The following RAB5IF variants were observed in gnomAD, a reference collection of about 807,000 sequenced individuals.
The protein encoded by RAB5IF is GEL complex subunit OPTI.
Under a neutral mutation model 20.3 loss-of-function variants are expected in RAB5IF, and 15 were observed. That is an observed-to-expected ratio of 0.74 (90% CI 0.50 to 1.14). The LOEUF (loss-of-function observed/expected upper bound fraction) is 1.14, where lower values mean the gene tolerates loss of function less well. RAB5IF is among the 50% of genes most tolerant of loss of function. RAB5IF has a pLI of 0.00. For missense variants in RAB5IF, 148 were observed against 159.5 expected (o/e 0.93, Z 0.39); for synonymous variants, 67 against 63.7 (o/e 1.05, Z -0.25).
At position 36,609,487 on chromosome 20, in the gene RAB5IF, ACCTCAG is replaced by A. The variant is rs2147964249; in HGVS notation, c.219-109_219-104del. The stretch of plus-strand genomic sequence containing the variant: ...ACTCCTGACCGCAAGTGATCCGCCC[ACCTCAG>A]CCTCCCAAAGTGCTGGGATTACAGG... On this transcript the variant is annotated intron_variant, in intron 2 of 3. Transcript: ENST00000344795. The A allele has an allele frequency of 1.1e-5, 16 of 1,428,656 alleles. No individual in the cohort carries two copies. In the South Asian group the frequency reaches 2.3e-4, roughly 21 times the overall value. The allele number at this position is 1,428,656 out of a possible 1,614,324, so 88.5% of individuals were successfully genotyped here. A position where few individuals can be genotyped will look rare whatever the true frequency, so the allele number is the denominator to read the frequency against.
rs2039029060 is a variant in RAB5IF, at chr20:36,609,201, A to ACACACACACACACACACACC, written c.219-399_219-398insACACACACACACACACACCC. ...CACACACACACACACACACGCACAC[A>ACACACACACACACACACACC]CGCACACACGCACACACGCACACAC... On this transcript the variant is annotated intron_variant, in intron 2 of 3. Transcript: ENST00000344795. 3.4e-5 allele frequency among the ~76,000 whole-genome samples: 2 copies of ACACACACACACACACACACC among 59,458 alleles called. 1 individual carries two copies. Among genetic ancestry groups the ACACACACACACACACACACC allele is most frequent in the Non-Finnish European group, 6.3e-5 (2 of 31,654 alleles). The allele number at this position is 59,458 out of a possible 152,430, so 39.0% of individuals were successfully genotyped here. A position where few individuals can be genotyped will look rare whatever the true frequency, so the allele number is the denominator to read the frequency against.
chr20:36,608,259 T>A (rs938475803), intron 2 of RAB5IF: 1 of 272,810 alleles, frequency 3.7e-6, no homozygotes, highest in South Asian at 3.6e-5. Flanking sequence ...CATTTTGTTT[T>A]TTTGAGATAG....
chr20:36,606,060 G>A lies in RAB5IF; in HGVS notation c.109G>A (p.Asp37Asn), dbSNP rs1187054939. The change falls in exon 1 of 4, where the codon GAT becomes AAT. Residue 37 changes from aspartate (D) to asparagine (N), a missense_variant. Coordinates refer to ENST00000344795, the MANE Select transcript of RAB5IF (RefSeq NM_018840.5). ...KVLRSDAAWE[D>N]KDEFLDVIYW... ...GCTGCGGAGCGACGCGGCCTGGGAG[G>A]ATAAGGTACGGTGGAGTCTGAACAG... 6.0e-6 allele frequency: 9 copies of A among 1,496,702 alleles called. No homozygotes were observed. The Admixed American group carries it at 1.9e-4, about 32-fold the overall frequency. The allele number at this position is 1,496,702 out of a possible 1,614,324, so 92.7% of individuals were successfully genotyped here.
At chr20:36,611,421 A>C (rs1389050171) in intron 3 of RAB5IF, among the ~76,000 whole-genome samples, 1 of 141,338 alleles carries the variant, frequency 7.1e-6, no homozygotes, top group African/African-American at 2.7e-5. Context: ...ATATGGTGAA[A>C]CCCATCTCTA....
intron 2 of RAB5IF, 198 bp downstream of exon 2, chr20:36,608,016 T>A: frequency 7.1e-7 from 1 of 1,415,470 alleles, no homozygotes; most frequent in Non-Finnish European, 9.4e-7. Context: ...GCAGGTTACC[T>A]TCCTGCCTTC....
chr20:36,606,367 GA>G (rs2038934600), intron 1 of RAB5IF, among the ~76,000 whole-genome samples: 1 of 152,244 alleles, frequency 6.6e-6, no homozygotes, highest in Admixed American at 6.5e-5. Flanking sequence ...AGCTGAATTC[GA>G]TTCGGCCTCC....
chr20:36,610,713 A>AT (rs1223071980), intron 3 of RAB5IF, among the ~76,000 whole-genome samples: 1 of 152,184 alleles, frequency 6.6e-6, no homozygotes, highest in East Asian at 1.9e-4. Flanking sequence ...AAAAAAAAAA[A>AT]AATGAAGTCC....
At chr20:36,607,640 G>T in intron 1 of RAB5IF, 75 bp from the exon 2 acceptor site, 1 of 1,572,838 alleles carries the variant, frequency 6.4e-7, no homozygotes, top group Non-Finnish European at 8.7e-7. Flanking sequence ...TAGCAGAAAG[G>T]TTTAATATTC....
intron 3 of RAB5IF, among the ~76,000 whole-genome samples, chr20:36,610,715 A>G (rs1279055087): frequency 1.3e-5 from 2 of 151,986 alleles, no homozygotes; most frequent in African/African-American, 4.8e-5. Context: ...AAAAAAAAAA[A>G]TGAAGTCCTG....
Position 36,605,854 on chromosome 20 carries a change from C to T in RAB5IF, c.-98C>T. The stretch of plus-strand genomic sequence containing the variant: ...GCGCCGCAGGACCGGGCCGCTGAGC[C>T]TGCAGCCGCCCCGCGCCGTGACCTG... On this transcript the variant is annotated 5_prime_UTR_variant, in exon 1 of 4. Transcript: ENST00000344795. The T allele has an allele frequency of 1.6e-6, 1 of 611,284 alleles. No individual in the cohort carries two copies. Among genetic ancestry groups the T allele is most frequent in the Non-Finnish European group, 2.5e-6 (1 of 397,242 alleles). 37.9% of individuals were successfully genotyped at this position (611,284 alleles called of 1,614,324 possible).
chr20:36,610,140 T>G (rs574967953), intron 3 of RAB5IF, among the ~76,000 whole-genome samples: 2 of 152,206 alleles, frequency 1.3e-5, no homozygotes, highest in East Asian at 3.9e-4. Flanking sequence ...AAAAATTAGT[T>G]GGGTGTAGTG....
chr20:36,609,251 A>ACACACC (rs2039043283), intron 2 of RAB5IF, among the ~76,000 whole-genome samples: 2 of 134,938 alleles, frequency 1.5e-5, no homozygotes, highest in Non-Finnish European at 3.1e-5. Context: ...ACACACACAC[A>ACACACC]CACACTATAT....
chr20:36,606,825 G>A (rs1281862073), intron 1 of RAB5IF, among the ~76,000 whole-genome samples: 1 of 152,200 alleles, frequency 6.6e-6, no homozygotes, highest in African/African-American at 2.4e-5. Flanking sequence ...ATTCCAGGTA[G>A]CTTGAAAAGC....
intron 3 of RAB5IF, among the ~76,000 whole-genome samples, chr20:36,611,493 C>T (rs1331463998): frequency 2.1e-5 from 1 of 46,522 alleles, no homozygotes; most frequent in Non-Finnish European, 4.8e-5. Flanking sequence ...CAGCAGGACT[C>T]AAAAAAAAAA....
chr20:36,607,967 GGGTCT>G (rs1443153112), intron 2 of RAB5IF, 149 bp downstream of exon 2: 1 of 1,502,668 alleles, frequency 6.7e-7, no homozygotes, highest in Non-Finnish European at 8.9e-7. Context: ...TGGCACTCCT[GGGTCT>G]GGTGCACCAC....
At chr20:36,609,514 A>C (rs1177841155) in intron 2 of RAB5IF, 87 bp from the exon 3 acceptor site, 2 of 1,494,714 alleles carry the variant, frequency 1.3e-6, no homozygotes, top group East Asian at 4.8e-5. Context: ...TGCTGGGATT[A>C]CAGGTGTGAG....
At position 36,609,161 on chromosome 20, in the gene RAB5IF, A is replaced by ATACATATACACACACACACACACACACC. The variant is rs1568595292; in HGVS notation, c.219-440_219-439insTACATATACACACACACACACACACACC. On this transcript the variant is annotated intron_variant, in intron 2 of 3. Coordinates refer to ENST00000344795, the MANE Select transcript of RAB5IF (RefSeq NM_018840.5). Reference sequence around the variant, plus strand: ...GGGGCTTTGGAGAACTATATTACACACACACACACACACACACACACACAC... The same window carrying ATACATATACACACACACACACACACACC: ...GGGGCTTTGGAGAACTATATTACACATACATATACACACACACACACACACACCCACACACACACACACACACACACAC... 2.5e-4 allele frequency among the ~76,000 whole-genome samples: 2 copies of ATACATATACACACACACACACACACACC among 8,060 alleles called. 1 individual carries two copies. The allele number at this position is 8,060 out of a possible 152,430, so 5.3% of individuals were successfully genotyped here.
chr20:36,606,928 C>T lies in RAB5IF; in HGVS notation c.115-787C>T, dbSNP rs1039608897. Reference sequence around the variant, plus strand: ...TGTAAAGGGGGATGGGAGGCACTTCCTGAAGGTGCCCTTGTTCTGCCCCCA... The same window carrying T: ...TGTAAAGGGGGATGGGAGGCACTTCTTGAAGGTGCCCTTGTTCTGCCCCCA... On this transcript the variant is annotated intron_variant, in intron 1 of 3. Coordinates refer to ENST00000344795, the MANE Select transcript of RAB5IF (RefSeq NM_018840.5). Among the ~76,000 whole-genome samples the T allele has an allele frequency of 2.6e-5, 4 of 152,310 alleles. No individual in the cohort carries two copies. In the South Asian group the frequency reaches 6.2e-4, roughly 24 times the overall value.
rs973917624 is a variant in RAB5IF, at chr20:36,605,795, C to T, written c.-157C>T. 2.5e-6 allele frequency: 1 copy of T among 405,634 alleles called. No homozygotes were observed. The highest frequency in any genetic ancestry group is 4.3e-6 in the Non-Finnish European group (1 of 231,330). 25.1% of individuals were successfully genotyped at this position (405,634 alleles called of 1,614,324 possible). A position where few individuals can be genotyped will look rare whatever the true frequency, so the allele number is the denominator to read the frequency against. ...GCCTGCTCTGTAGAGCCGGCGGAACCGGGTAGCTTGGCCAGGTTGTGAGGA... is the reference window on the plus strand; with the variant it reads ...GCCTGCTCTGTAGAGCCGGCGGAACTGGGTAGCTTGGCCAGGTTGTGAGGA... On this transcript the variant is annotated 5_prime_UTR_variant, in exon 1 of 4. Transcript: ENST00000344795.
Sources: allele counts gnomAD v4.1 joint callset (sites outside exome capture counted in the v4.1 genomes callset), GRCh38; gene constraint gnomAD v4.1.1; transcripts MANE v1.5; gene names NCBI Gene and HGNC (gene_info 2026-07-23, HGNC 2026-07-21).